TAF3: variants seen among roughly 807,000 people sequenced by gnomAD.
The protein encoded by TAF3 is transcription initiation factor TFIID subunit 3.
A neutral mutation model predicts 80.6 loss-of-function variants in TAF3; 7 were observed. That is an observed-to-expected ratio of 0.09 (90% CI 0.05 to 0.16). The LOEUF (loss-of-function observed/expected upper bound fraction) is 0.16, where lower values mean the gene tolerates loss of function less well. Among genes scored for constraint, TAF3 ranks in the 10% least tolerant of loss-of-function variants. TAF3 has a pLI of 1.00. For missense variants in TAF3, 921 were observed against 1,140.2 expected (o/e 0.81, Z 2.77); for synonymous variants, 444 against 446.1 (o/e 1.00, Z 0.06).
chr10:7,881,838 C>A (rs1256320943), intron 2 of TAF3, among the ~76,000 whole-genome samples: 1 of 152,134 alleles, frequency 6.6e-6, no homozygotes, highest in African/African-American at 2.4e-5. Flanking sequence ...TTCTCTGTGC[C>A]CTAGTTAACG....
intron 2 of TAF3, among the ~76,000 whole-genome samples, chr10:7,873,139 T>C (rs1446366987): frequency 6.6e-6 from 1 of 152,210 alleles, no homozygotes; most frequent in East Asian, 1.9e-4. Flanking sequence ...TGCTTTAATA[T>C]TTGTAAAATA....
intron 2 of TAF3, among the ~76,000 whole-genome samples, chr10:7,952,074 G>A (rs1403181247): frequency 1.3e-5 from 2 of 152,274 alleles, no homozygotes; most frequent in Non-Finnish European, 2.9e-5. Context: ...TTTAAGTCTA[G>A]GAAAATCATG....
At chr10:7,895,723 G>T (rs574454946) in intron 2 of TAF3, among the ~76,000 whole-genome samples, 1 of 137,462 alleles carries the variant, frequency 7.3e-6, no homozygotes, top group Admixed American at 7.0e-5. Context: ...TAATTGTGTG[G>T]CCTCTATCTA....
chr10:7,971,782 CA>C (rs1302637456), intron 3 of TAF3, among the ~76,000 whole-genome samples: 1 of 152,106 alleles, frequency 6.6e-6, no homozygotes, highest in Admixed American at 6.6e-5. Context: ...AGAGCTTTAT[CA>C]GTTGGTGCCC....
intron 1 of TAF3, among the ~76,000 whole-genome samples, chr10:7,819,961 A>G (rs1484834337): frequency 6.6e-6 from 1 of 152,154 alleles, no homozygotes; most frequent in African/African-American, 2.4e-5. Context: ...TTTTAACTAT[A>G]CTTCGTTGGT....
In TAF3 at chr10:7,970,913, A is replaced by G. The variant is rs112454023; in HGVS notation, c.2232+5171A>G. Among the ~76,000 whole-genome samples, 690 of 152,216 alleles carry G rather than the reference A, an allele frequency of 4.5e-3. 2 individuals carry two copies. The highest frequency in any genetic ancestry group is 0.013 in the South Asian group (64 of 4,818). ...GTAGTCTCATTCCAAGTCTTTTCTCATCAGCTATTGTAATTAATTCGTGAA... is the reference window on the plus strand; with the variant it reads ...GTAGTCTCATTCCAAGTCTTTTCTCGTCAGCTATTGTAATTAATTCGTGAA... On this transcript the variant is annotated intron_variant, in intron 3 of 6. Coordinates refer to ENST00000344293, the MANE Select transcript of TAF3 (RefSeq NM_031923.4).
intron 2 of TAF3, among the ~76,000 whole-genome samples, chr10:7,933,332 C>T (rs949195095): frequency 2.0e-5 from 3 of 152,180 alleles, no homozygotes; most frequent in African/African-American, 7.2e-5. Flanking sequence ...TCACATCTTG[C>T]TCACTCTGCA....
chr10:7,993,628 C>A (rs1831855377), intron 4 of TAF3, among the ~76,000 whole-genome samples: 1 of 152,100 alleles, frequency 6.6e-6, no homozygotes, highest in African/African-American at 2.4e-5. Flanking sequence ...GTCCTAAGTG[C>A]TTGATTAGAT....
At position 7,843,960 on chromosome 10, in the gene TAF3, C is replaced by A. The variant is rs560647990; in HGVS notation, c.409+19400C>A. Among the ~76,000 whole-genome samples, 183 of 152,224 alleles carry A rather than the reference C, an allele frequency of 1.2e-3. 1 individual carries two copies. Among genetic ancestry groups the A allele is most frequent in the African/African-American group, 4.2e-3 (175 of 41,536 alleles). On this transcript the variant is annotated intron_variant, in intron 2 of 6. Coordinates refer to ENST00000344293, the MANE Select transcript of TAF3 (RefSeq NM_031923.4). ...TACAATTCAGTAGGTGGCACTCTTTCAATTTCTGTTAGTGTTAATGAATAT... is the reference window on the plus strand; with the variant it reads ...TACAATTCAGTAGGTGGCACTCTTTAAATTTCTGTTAGTGTTAATGAATAT...
chr10:7,974,691 A>G (rs1396166869), intron 3 of TAF3, among the ~76,000 whole-genome samples: 1 of 152,144 alleles, frequency 6.6e-6, no homozygotes, highest in Non-Finnish European at 1.5e-5. Context: ...AAAACAGACA[A>G]TGAAGTGAAG....
chr10:7,881,675 A>G (rs2131154984), intron 2 of TAF3, among the ~76,000 whole-genome samples: 1 of 152,322 alleles, frequency 6.6e-6, no homozygotes, highest in Non-Finnish European at 1.5e-5. Context: ...ATTTAGATGT[A>G]ATGAAAAAAT....
rs781409246 is a variant in TAF3 at position 8,009,153 on chromosome 10, G to A, written c.2391G>A (p.Pro797=). 5 of 1,575,670 alleles carry A rather than the reference G, an allele frequency of 3.2e-6. No individual in the cohort carries two copies. In the South Asian group the frequency reaches 3.3e-5, roughly 10 times the overall value. The part of the protein sequence containing the change: ...PSQNRPKTPP[P]APAPAPGPML... ...AGAACAGGCCGAAGACCCCACCGCC[G>A]GCCCCCGCGCCCGCCCCCGGCCCCA... Residue 797 remains proline, a synonymous_variant, in exon 5 of 7, where the codon CCG becomes CCA. Coordinates refer to ENST00000344293, the MANE Select transcript of TAF3 (RefSeq NM_031923.4). This position sits in a 1 kb window ranked among gnomAD's most constrained non-coding sequence, Gnocchi z 4.1.
At chr10:8,010,623 C>T (rs1832045061) in intron 5 of TAF3, among the ~76,000 whole-genome samples, 1 of 152,134 alleles carries the variant, frequency 6.6e-6, no homozygotes, top group Non-Finnish European at 1.5e-5. Context: ...AATTGTAAAA[C>T]CAGCTGGACG....
chr10:7,950,675 T>C (rs1453335370), intron 2 of TAF3, among the ~76,000 whole-genome samples: 1 of 152,226 alleles, frequency 6.6e-6, no homozygotes, highest in East Asian at 1.9e-4. Context: ...CTCACAATCA[T>C]TTGAAGACAT....
In TAF3 at chr10:7,908,839, C is replaced by T. The variant is rs1026909429; in HGVS notation, c.410-55081C>T. ...CTGTCTCCCAGAGCAGTGCTTCTCA[C>T]TGCATCAGAAGCCTTTAGAGGCCTT... On this transcript the variant is annotated intron_variant, in intron 2 of 6. Coordinates refer to ENST00000344293, the MANE Select transcript of TAF3 (RefSeq NM_031923.4). Among the ~76,000 whole-genome samples, 13 of 152,396 alleles carry T rather than the reference C, an allele frequency of 8.5e-5. 1 individual carries two copies. The South Asian group carries it at 2.7e-3, about 32-fold the overall frequency.
intron 2 of TAF3, among the ~76,000 whole-genome samples, chr10:7,860,874 G>A (rs1483780657): frequency 6.0e-5 from 9 of 149,788 alleles, no homozygotes; most frequent in Admixed American, 4.7e-4. Flanking sequence ...ATCTCGGGTC[G>A]CTGCAACCTC....
chr10:8,010,707 G>C (rs528325395), intron 5 of TAF3, among the ~76,000 whole-genome samples: 47 of 152,242 alleles, frequency 3.1e-4, no homozygotes, highest in African/African-American at 1.0e-3. Flanking sequence ...AGGAGTTCGA[G>C]ACCAGCCTGG....
intron 4 of TAF3, among the ~76,000 whole-genome samples, chr10:7,980,959 T>C (rs908841681): frequency 1.3e-5 from 2 of 152,164 alleles, no homozygotes; most frequent in African/African-American, 4.8e-5. Context: ...TCCTCATTTC[T>C]GTCAAGAAAA....
chr10:7,848,125 T>C (rs1220818357), intron 2 of TAF3, among the ~76,000 whole-genome samples: 1 of 152,250 alleles, frequency 6.6e-6, no homozygotes, highest in Non-Finnish European at 1.5e-5. Flanking sequence ...CTATGCATTC[T>C]TCATTAAATG....
Sources: allele counts gnomAD v4.1 joint callset (sites outside exome capture counted in the v4.1 genomes callset), GRCh38; gene constraint gnomAD v4.1.1; non-coding constraint Gnocchi (gnomAD v3.1); transcripts MANE v1.5; gene names NCBI Gene and HGNC (gene_info 2026-07-23, HGNC 2026-07-21).